PTPN14: variants seen among roughly 807,000 people sequenced by gnomAD.
PTPN14 encodes tyrosine-protein phosphatase non-receptor type 14.
In PTPN14, 53 loss-of-function variants were observed where a neutral mutation model predicts 126.8. The observed-to-expected ratio is 0.42, with a 90% confidence interval of 0.34 to 0.53. PTPN14 has a LOEUF of 0.53. Ranked by LOEUF, PTPN14 falls within the 20% of genes least tolerant of loss-of-function variation. PTPN14 has a pLI of 0.08. For missense variants in PTPN14, 1,257 were observed against 1,552.9 expected (o/e 0.81, Z 3.20); for synonymous variants, 630 against 599.3 (o/e 1.05, Z -0.75).
At chr1:214,414,483 A>AT in intron 4 of PTPN14, 146 bp downstream of exon 4, 1 of 790,184 alleles carries the variant, frequency 1.3e-6, no homozygotes, top group Non-Finnish European at 2.0e-6. Flanking sequence ...CTAACTTTGC[A>AT]TTTTTCACGT....
intron 15 of PTPN14, 45 bp from the exon 16 acceptor site, chr1:214,372,884 C>A (rs1415011626): frequency 3.1e-6 from 5 of 1,607,504 alleles, no homozygotes; most frequent in African/African-American, 1.3e-5. Flanking sequence ...CAAGTCCGGA[C>A]AACATTACCT....
chr1:214,362,966 CCTCAT>C (rs905042316), intron 18 of PTPN14, among the ~76,000 whole-genome samples: 233 of 152,326 alleles, frequency 1.5e-3, no homozygotes, highest in African/African-American at 5.4e-3. Flanking sequence ...ACTGATTCTA[CCTCAT>C]CTTATTTTGT....
chr1:214,474,890 C>T (rs1290099076), intron 1 of PTPN14, among the ~76,000 whole-genome samples: 1 of 152,206 alleles, frequency 6.6e-6, no homozygotes, highest in African/African-American at 2.4e-5. Context: ...CAGGAAGCAA[C>T]TTAGAACATG....
At chr1:214,466,773 A>G (rs1660648531) in intron 1 of PTPN14, among the ~76,000 whole-genome samples, 1 of 152,160 alleles carries the variant, frequency 6.6e-6, no homozygotes, top group Non-Finnish European at 1.5e-5. Context: ...CTGCCGACAC[A>G]GGATTACCCC....
chr1:214,447,164 A>G lies in PTPN14; in HGVS notation c.344+4641T>C, dbSNP rs1353891367. ...TTAGTCATTAACCCGCTCCTAATGA[A>G]TGTTGTTGGGGCCTTCTGTGAAACA... On this transcript the variant is annotated intron_variant, in intron 3 of 18. Transcript: ENST00000366956. Among the ~76,000 whole-genome samples, 6 of 152,108 alleles carry G rather than the reference A, an allele frequency of 3.9e-5. No homozygotes were observed. In the East Asian group the frequency reaches 1.2e-3, roughly 29 times the overall value.
intron 15 of PTPN14, among the ~76,000 whole-genome samples, chr1:214,373,295 A>T (rs3002305): frequency 6.6e-6 from 1 of 151,958 alleles, no homozygotes; most frequent in Non-Finnish European, 1.5e-5. Context: ...TTCAGGTGAT[A>T]CGCCCATCTC....
chr1:214,389,851 T>A (rs570863878), intron 11 of PTPN14, among the ~76,000 whole-genome samples: 89 of 152,274 alleles, frequency 5.8e-4, no homozygotes, highest in African/African-American at 2.1e-3. Flanking sequence ...CATGAACAAA[T>A]CTATTGGTAC....
rs780266709 is a variant in PTPN14 at position 214,383,344 on chromosome 1, T to C, written c.2511A>G (p.Glu837=). ...ERPVSEMFSL[E]DSIIEREMMI... ...TCATCTCTCTCTCTATAATGCTGTC[T>C]TCCAGGGAAAACATTTCAGACACAG... Residue 837 remains glutamate, a synonymous_variant, in exon 13 of 19, where the codon GAA becomes GAG. Transcript: ENST00000366956. This position sits in a 1 kb window ranked among gnomAD's most constrained non-coding sequence, Gnocchi z 4.4. 10 of 1,614,138 alleles carry C rather than the reference T, an allele frequency of 6.2e-6. No individual in the cohort carries two copies. In the South Asian group the frequency reaches 9.9e-5, roughly 16 times the overall value.
intron 1 of PTPN14, among the ~76,000 whole-genome samples, chr1:214,522,432 G>A (rs139017325): frequency 6.6e-6 from 1 of 152,174 alleles, no homozygotes; most frequent in South Asian, 2.1e-4. Flanking sequence ...AAAATGGCCA[G>A]TCAACAAATA....
intron 3 of PTPN14, among the ~76,000 whole-genome samples, chr1:214,444,331 G>A (rs955768078): frequency 1.3e-5 from 2 of 152,120 alleles, no homozygotes; most frequent in African/African-American, 4.8e-5. Flanking sequence ...CCATTCACTA[G>A]CTGGAGCTGG....
intron 1 of PTPN14, among the ~76,000 whole-genome samples, chr1:214,512,744 T>C (rs960215647): frequency 6.6e-6 from 1 of 152,148 alleles, no homozygotes; most frequent in Non-Finnish European, 1.5e-5. Flanking sequence ...CAGGCTAGAG[T>C]GCAGTAATGC....
chr1:214,382,095 G>A (rs939884880), intron 13 of PTPN14, among the ~76,000 whole-genome samples: 13 of 152,126 alleles, frequency 8.5e-5, no homozygotes, highest in African/African-American at 2.9e-4. Flanking sequence ...TACTGATGGG[G>A]TTTCACCATG....
chr1:214,497,505 T>C (rs927529482), intron 1 of PTPN14, among the ~76,000 whole-genome samples: 1 of 152,332 alleles, frequency 6.6e-6, no homozygotes. Flanking sequence ...AGCCCAGTCA[T>C]TCCACTTTTA....
chr1:214,384,794 A>C lies in PTPN14; in HGVS notation c.1067-6T>G. 6.2e-7 allele frequency: 1 copy of C among 1,605,190 alleles called. No individual in the cohort carries two copies. The highest frequency in any genetic ancestry group is 8.5e-7 in the Non-Finnish European group (1 of 1,174,850). ...ATTCCCATGAAAAATGCTGTCTACA[A>C]GAAGTCAAACAAAGGCACGTGAACC... On this transcript the variant is annotated splice_region_variant and splice_polypyrimidine_tract_variant and intron_variant, in intron 12 of 18. Transcript: ENST00000366956. The surrounding 1 kb of genome is among the most constrained non-coding windows in gnomAD (Gnocchi z 5.3).
At chr1:214,495,240 C>T (rs1275877437) in intron 1 of PTPN14, among the ~76,000 whole-genome samples, 1 of 152,200 alleles carries the variant, frequency 6.6e-6, no homozygotes, top group African/African-American at 2.4e-5. Flanking sequence ...GTTCCCTCAT[C>T]TGTAAGATGA....
chr1:214,520,268 T>C (rs1291700913), intron 1 of PTPN14, among the ~76,000 whole-genome samples: 3 of 151,390 alleles, frequency 2.0e-5, no homozygotes, highest in African/African-American at 7.3e-5. Context: ...CTGTCCTCTT[T>C]TCTTTTGATT....
chr1:214,481,166 CA>C (rs1409477033), intron 1 of PTPN14, among the ~76,000 whole-genome samples: 3 of 152,072 alleles, frequency 2.0e-5, no homozygotes, highest in Admixed American at 2.0e-4. Flanking sequence ...CACATAAATG[CA>C]ACATTTGAAA....
At chr1:214,448,483 A>G (rs1660198636) in intron 3 of PTPN14, among the ~76,000 whole-genome samples, 1 of 149,078 alleles carries the variant, frequency 6.7e-6, no homozygotes, top group South Asian at 2.1e-4. Flanking sequence ...TGACCTCGTG[A>G]TCCGCCCGCC....
intron 1 of PTPN14, among the ~76,000 whole-genome samples, chr1:214,480,410 C>A (rs2102674124): frequency 6.6e-6 from 1 of 152,278 alleles, no homozygotes; most frequent in Admixed American, 6.5e-5. Context: ...ACTGGGTTAC[C>A]TTAAGCATGA....
Sources: allele counts gnomAD v4.1 joint callset (sites outside exome capture counted in the v4.1 genomes callset), GRCh38; gene constraint gnomAD v4.1.1; non-coding constraint Gnocchi (gnomAD v3.1); transcripts MANE v1.5; gene names NCBI Gene and HGNC (gene_info 2026-07-23, HGNC 2026-07-21).